NBEA: variants seen among roughly 807,000 people sequenced by gnomAD.
The protein encoded by NBEA is neurobeachin.
A neutral mutation model predicts 343.4 loss-of-function variants in NBEA; 44 were observed. The observed-to-expected ratio is 0.13, with a 90% confidence interval of 0.10 to 0.16. NBEA has a LOEUF of 0.16. Ranked by LOEUF, NBEA falls within the 10% of genes least tolerant of loss-of-function variation. The probability of loss-of-function intolerance (pLI) is 1.00; values close to 1 mark genes in which losing one functional copy is unlikely to be tolerated. For synonymous variants in NBEA, 1,175 were observed against 1,238.7 expected, an observed-to-expected ratio of 0.95 and a Z score of 1.08; for missense variants, 2,555 against 3,631.3, an observed-to-expected ratio of 0.70 and a Z score of 7.62.
chr13:35,275,288 A>T (rs1012721473), intron 34 of NBEA, among the ~76,000 whole-genome samples: 3 of 151,934 alleles, frequency 2.0e-5, no homozygotes, highest in Admixed American at 2.0e-4. Context: ...TGGTGCTGGG[A>T]AAACTAGCCA....
intron 1 of NBEA, among the ~76,000 whole-genome samples, chr13:34,966,693 T>A (rs1379066357): frequency 1.3e-5 from 2 of 150,888 alleles, no homozygotes; most frequent in African/African-American, 4.9e-5. Flanking sequence ...TATATGAAAA[T>A]GAGGTAAATG....
At chr13:35,602,784 T>C (rs1430029761) in intron 47 of NBEA, among the ~76,000 whole-genome samples, 7 of 152,190 alleles carry the variant, frequency 4.6e-5, no homozygotes, top group Non-Finnish European at 1.0e-4. Flanking sequence ...TAGCCCCAGT[T>C]AGGGCCTCCT....
intron 23 of NBEA, 113 bp downstream of exon 23, chr13:35,162,080 A>G (rs1318355774): frequency 1.3e-6 from 1 of 799,128 alleles, no homozygotes; most frequent in Non-Finnish European, 1.9e-6. Flanking sequence ...GAATTTCCAC[A>G]TTTTTCTTGT....
At chr13:35,625,773 G>A (rs1399566376) in intron 48 of NBEA, among the ~76,000 whole-genome samples, 1 of 152,122 alleles carries the variant, frequency 6.6e-6, no homozygotes, top group African/African-American at 2.4e-5. Flanking sequence ...TGTCAAATCT[G>A]TTAGTAATTT....
chr13:35,506,578 G>A (rs185898281), intron 41 of NBEA, among the ~76,000 whole-genome samples: 10 of 152,214 alleles, frequency 6.6e-5, no homozygotes, highest in Admixed American at 5.9e-4. Flanking sequence ...GGTCAGGTGG[G>A]TTCGTGTTCT....
intron 1 of NBEA, among the ~76,000 whole-genome samples, chr13:35,018,221 T>C (rs1362558767): frequency 6.6e-6 from 1 of 152,104 alleles, no homozygotes; most frequent in African/African-American, 2.4e-5. Context: ...AAATTTGTTT[T>C]GGCTATTGTA....
intron 10 of NBEA, among the ~76,000 whole-genome samples, chr13:35,087,768 G>A (rs1010157456): frequency 9.9e-5 from 15 of 151,844 alleles, no homozygotes; most frequent in African/African-American, 3.1e-4. Context: ...CACTTGGACA[G>A]AATAGTCAGA....
chr13:35,107,198 A>G (rs1018715387), intron 11 of NBEA, among the ~76,000 whole-genome samples: 9 of 151,970 alleles, frequency 5.9e-5, no homozygotes, highest in East Asian at 1.9e-4. Flanking sequence ...TTTTTAAAGT[A>G]CTATATTATT....
intron 36 of NBEA, among the ~76,000 whole-genome samples, chr13:35,346,156 A>G (rs1348288716): frequency 6.6e-6 from 1 of 152,062 alleles, no homozygotes; most frequent in Non-Finnish European, 1.5e-5. Flanking sequence ...TTGCTTTTCT[A>G]ATCCACTGCT....
intron 38 of NBEA, among the ~76,000 whole-genome samples, chr13:35,368,300 C>A (rs1311144649): frequency 6.6e-6 from 1 of 151,322 alleles, no homozygotes; most frequent in East Asian, 1.9e-4. Flanking sequence ...GTGGTCAACC[C>A]AAATTTGATC....
chr13:35,036,160 A>G (rs192346343), intron 1 of NBEA, among the ~76,000 whole-genome samples: 1 of 151,888 alleles, frequency 6.6e-6, no homozygotes, highest in East Asian at 1.9e-4. Context: ...TTGTGTGTCC[A>G]TTGTATAATT....
intron 10 of NBEA, among the ~76,000 whole-genome samples, chr13:35,087,080 C>T (rs1222757222): frequency 6.6e-6 from 1 of 151,510 alleles, no homozygotes; most frequent in African/African-American, 2.4e-5. Context: ...CAGATATTTT[C>T]TCCAGTTCAA....
chr13:35,584,663 C>T (rs1465016286), intron 46 of NBEA, among the ~76,000 whole-genome samples: 1 of 152,096 alleles, frequency 6.6e-6, no homozygotes, highest in African/African-American at 2.4e-5. Flanking sequence ...CCACGCCCAG[C>T]TAATTTTTGT....
rs74944700 is a variant in NBEA, at chr13:35,359,364, C to T, written c.6179+7041C>T. On this transcript the variant is annotated intron_variant, in intron 38 of 58. Transcript: ENST00000379939. ...GATATATCACTTAATGTTTTATAGC[C>T]ATGTGAATGTGCCTGTCTCTTTCAA... 9.5e-3 allele frequency among the ~76,000 whole-genome samples: 1,447 copies of T among 152,054 alleles called. 26 individuals carry two copies. Among genetic ancestry groups the T allele is most frequent in the African/African-American group, 0.027 (1,114 of 41,466 alleles).
intron 53 of NBEA, among the ~76,000 whole-genome samples, chr13:35,653,437 TC>T (rs1431636796): frequency 2.0e-5 from 3 of 150,120 alleles, no homozygotes; most frequent in Non-Finnish European, 4.4e-5. Context: ...TTAAACCAAT[TC>T]CCCCACCTCA....
chr13:34,982,207 T>C lies in NBEA; in HGVS notation c.294+39093T>C, dbSNP rs192836981. Among the ~76,000 whole-genome samples, 78 of 152,302 alleles carry C rather than the reference T, an allele frequency of 5.1e-4. No homozygotes were observed. The Middle Eastern group carries it at 0.01, about 20-fold the overall frequency. ...ACACTGTATAACTTCCTCTAGGCAC[T>C]GCTTTAGCTCATTTTACAGAATTTA... On this transcript the variant is annotated intron_variant, in intron 1 of 58. Transcript: ENST00000379939.
At chr13:35,055,046 CTT>C (rs952637166) in intron 6 of NBEA, among the ~76,000 whole-genome samples, 10 of 152,028 alleles carry the variant, frequency 6.6e-5, no homozygotes, top group Non-Finnish European at 1.5e-4. Flanking sequence ...ATTATTGTAA[CTT>C]TTTATTTCTG....
intron 1 of NBEA, among the ~76,000 whole-genome samples, chr13:35,002,292 G>A (rs1171721390): frequency 3.3e-5 from 5 of 152,144 alleles, no homozygotes; most frequent in African/African-American, 7.2e-5. Flanking sequence ...ACTCAATAAG[G>A]TTTGGTCCTA....
At chr13:35,650,230 T>C (rs2084450904) in intron 52 of NBEA, among the ~76,000 whole-genome samples, 1 of 152,224 alleles carries the variant, frequency 6.6e-6, no homozygotes, top group African/African-American at 2.4e-5. Context: ...TCACATCCTC[T>C]TGTCTCTATA....
Sources: allele counts gnomAD v4.1 joint callset (sites outside exome capture counted in the v4.1 genomes callset), GRCh38; gene constraint gnomAD v4.1.1; transcripts MANE v1.5; gene names NCBI Gene and HGNC (gene_info 2026-07-23, HGNC 2026-07-21).